Variants in MPDZ observed in about 807,000 individuals in gnomAD.
MPDZ encodes multiple PDZ domain crumbs cell polarity complex component.
Under a neutral mutation model 239.1 loss-of-function variants are expected in MPDZ, and 234 were observed. The observed-to-expected ratio is 0.98, with a 90% CI of 0.88 to 1.09. The LOEUF is 1.09. Ranked by LOEUF, MPDZ falls within the 50% of genes least tolerant of loss-of-function variation. The probability of loss-of-function intolerance (pLI) is 0.00; values close to 1 mark genes in which losing one functional copy is unlikely to be tolerated. For synonymous variants in MPDZ, 1,048 were observed against 881.3 expected (o/e 1.19, Z -3.35); for missense variants, 3,175 against 2,510.0 (o/e 1.26, Z -5.66).
chr9:13,172,530 C>T (rs889991903), intron 21 of MPDZ, among the ~76,000 whole-genome samples: 10 of 151,670 alleles, frequency 6.6e-5, no homozygotes, highest in Non-Finnish European at 1.3e-4. Context: ...TTACAGGTGC[C>T]CACCACCACC....
At chr9:13,260,562 C>T (rs372663866) in intron 1 of MPDZ, among the ~76,000 whole-genome samples, 1 of 152,118 alleles carries the variant, frequency 6.6e-6, no homozygotes, top group East Asian at 1.9e-4. Context: ...TATGTTGAAG[C>T]CCTAACTCCA....
intron 24 of MPDZ, among the ~76,000 whole-genome samples, chr9:13,153,366 CCATT>C (rs1164016270): frequency 2.6e-5 from 4 of 152,028 alleles, no homozygotes; most frequent in African/African-American, 7.2e-5. Flanking sequence ...AGTTAAAATC[CCATT>C]CATTGTTTTC....
At chr9:13,124,960 A>G (rs898531872) in intron 35 of MPDZ, among the ~76,000 whole-genome samples, 4 of 152,138 alleles carry the variant, frequency 2.6e-5, no homozygotes, top group African/African-American at 9.7e-5. Context: ...AGAGATGAAG[A>G]AGCTGAGGCT....
intron 32 of MPDZ, among the ~76,000 whole-genome samples, chr9:13,132,248 C>G (rs995881278): frequency 6.6e-6 from 1 of 152,166 alleles, no homozygotes; most frequent in African/African-American, 2.4e-5. Context: ...TGCTCATTAG[C>G]TCATCCAATC....
intron 26 of MPDZ, 87 bp downstream of exon 26, chr9:13,147,461 T>A (rs1390741591): frequency 2.1e-6 from 2 of 947,360 alleles, no homozygotes; most frequent in East Asian, 4.9e-5. Flanking sequence ...CTATCTTTAC[T>A]CATACAGACA....
At chr9:13,212,890 A>G (rs934272025) in intron 10 of MPDZ, among the ~76,000 whole-genome samples, 2 of 151,802 alleles carry the variant, frequency 1.3e-5, no homozygotes, top group Admixed American at 6.6e-5. Flanking sequence ...GAGAAATACT[A>G]GTTGGAACAA....
At chr9:13,156,170 C>T (rs995933115) in intron 24 of MPDZ, among the ~76,000 whole-genome samples, 1 of 152,120 alleles carries the variant, frequency 6.6e-6, no homozygotes. Flanking sequence ...GAATTTTCCC[C>T]CAAATTCAAA....
At chr9:13,277,473 A>G (rs1385229897) in intron 1 of MPDZ, among the ~76,000 whole-genome samples, 2 of 152,220 alleles carry the variant, frequency 1.3e-5, no homozygotes, top group Admixed American at 1.3e-4. Flanking sequence ...TACATTGCAC[A>G]CAAGGGTACA....
intron 1 of MPDZ, among the ~76,000 whole-genome samples, chr9:13,254,185 T>C (rs932333089): frequency 2.0e-5 from 3 of 152,176 alleles, no homozygotes; most frequent in African/African-American, 4.8e-5. Context: ...CTGTTGTAGA[T>C]AGTCAAATTA....
intron 10 of MPDZ, among the ~76,000 whole-genome samples, chr9:13,209,028 G>A (rs557967277): frequency 3.3e-5 from 5 of 152,246 alleles, no homozygotes; most frequent in African/African-American, 1.2e-4. Context: ...GAAATGGTCT[G>A]CGCATGGCCA....
intron 22 of MPDZ, among the ~76,000 whole-genome samples, chr9:13,167,085 G>T (rs1951171956): frequency 6.6e-6 from 1 of 152,044 alleles, no homozygotes; most frequent in African/African-American, 2.4e-5. Flanking sequence ...TAGTCCATCT[G>T]CATTTTATAC....
chr9:13,157,745 C>T (rs1950000343), intron 24 of MPDZ, among the ~76,000 whole-genome samples: 1 of 152,094 alleles, frequency 6.6e-6, no homozygotes, highest in Non-Finnish European at 1.5e-5. Flanking sequence ...TAAAACTCTA[C>T]AGAACGTATT....
intron 24 of MPDZ, among the ~76,000 whole-genome samples, chr9:13,157,570 G>T (rs1177361233): frequency 6.6e-6 from 1 of 152,036 alleles, no homozygotes; most frequent in African/African-American, 2.4e-5. Context: ...GTGCTAGACA[G>T]ATTATGACTT....
chr9:13,106,838 G>A lies in MPDZ; in HGVS notation c.*127C>T, dbSNP rs1315399169. On this transcript the variant is annotated 3_prime_UTR_variant, in exon 47 of 47. Transcript: ENST00000319217. Reference sequence around the variant, plus strand: ...TTCTAGATGAGAAAAAGAAACTTAAGTGTTATTTCCCCCCTACAGTTTTGA... The same window carrying A: ...TTCTAGATGAGAAAAAGAAACTTAAATGTTATTTCCCCCCTACAGTTTTGA... The A allele has an allele frequency of 3.0e-6, 3 of 988,752 alleles. No homozygotes were observed. Among genetic ancestry groups the A allele is most frequent in the Admixed American group, 2.3e-5 (1 of 43,944 alleles). The allele number at this position is 988,752 out of a possible 1,614,324, so 61.2% of individuals were successfully genotyped here.
chr9:13,267,323 C>A (rs1323697321), intron 1 of MPDZ, among the ~76,000 whole-genome samples: 1 of 152,100 alleles, frequency 6.6e-6, no homozygotes, highest in Non-Finnish European at 1.5e-5. Context: ...AAACCTATGT[C>A]CTTTACAAAT....
At chr9:13,124,555 A>T (rs916844779) in intron 35 of MPDZ, among the ~76,000 whole-genome samples, 1 of 152,190 alleles carries the variant, frequency 6.6e-6, no homozygotes, top group African/African-American at 2.4e-5. Context: ...TCTTTCTCAA[A>T]AAGTAACTCA....
chr9:13,170,632 T>C (rs1241072231), intron 21 of MPDZ, among the ~76,000 whole-genome samples: 1 of 152,174 alleles, frequency 6.6e-6, no homozygotes, highest in African/African-American at 2.4e-5. Context: ...TGGATCACAG[T>C]GGGAATCTAA....
At chr9:13,187,290 C>T (rs1314085085) in intron 17 of MPDZ, among the ~76,000 whole-genome samples, 1 of 151,424 alleles carries the variant, frequency 6.6e-6, no homozygotes, top group African/African-American at 2.4e-5. Context: ...TATTTTGGAA[C>T]TATACAGAAA....
chr9:13,231,726 C>A, intron 3 of MPDZ, among the ~76,000 whole-genome samples: 1 of 147,456 alleles, frequency 6.8e-6, no homozygotes, highest in African/African-American at 2.5e-5. Flanking sequence ...CAAAAAAAGG[C>A]TGAATTGTTC....
Sources: allele counts gnomAD v4.1 joint callset (sites outside exome capture counted in the v4.1 genomes callset), GRCh38; gene constraint gnomAD v4.1.1; transcripts MANE v1.5; gene names NCBI Gene and HGNC (gene_info 2026-07-23, HGNC 2026-07-21).